The following CMYA5 variants were observed in gnomAD, a reference collection of about 807,000 sequenced individuals.
CMYA5 encodes cardiomyopathy-associated protein 5.
In CMYA5, 246 loss-of-function variants were observed where a neutral mutation model predicts 318.9. The observed-to-expected ratio is 0.77, with a 90% CI of 0.70 to 0.86. The LOEUF (loss-of-function observed/expected upper bound fraction) is 0.86. Among genes scored for constraint, CMYA5 ranks in the 40% least tolerant of loss-of-function variants. CMYA5 has a pLI of 0.00. For synonymous variants in CMYA5, 1,641 were observed against 1,729.5 expected, an observed-to-expected ratio of 0.95 and a Z score of 1.27; for missense variants, 4,589 against 4,678.2, an observed-to-expected ratio of 0.98 and a Z score of 0.56.
At chr5:79,715,584 G>A (rs1387454378) in intron 1 of CMYA5, among the ~76,000 whole-genome samples, 1 of 152,096 alleles carries the variant, frequency 6.6e-6, no homozygotes, top group East Asian at 1.9e-4. Context: ...ACCGTGCCCA[G>A]CCAACTATAG....
At chr5:79,691,583 G>A (rs1317177822) in intron 1 of CMYA5, among the ~76,000 whole-genome samples, 4 of 152,130 alleles carry the variant, frequency 2.6e-5, no homozygotes, top group African/African-American at 7.2e-5. Context: ...GGACACATGA[G>A]GGAATATGGA....
intron 1 of CMYA5, among the ~76,000 whole-genome samples, chr5:79,709,960 C>CAAAAAAAAAAAAAAAAAAAAAAAAAAAA (rs61657639): frequency 4.1e-5 from 1 of 24,324 alleles, no homozygotes; most frequent in Non-Finnish European, 7.1e-5. Flanking sequence ...GACTCCATCT[C>CAAAAAAAAAAAAAAAAAAAAAAAAAAAA]AAAAAAAAAA....
At position 79,739,381 on chromosome 5, in the gene CMYA5, A is replaced by T; in HGVS notation, c.10616A>T (p.Asp3539Val). 3 of 1,548,714 alleles carry T rather than the reference A, an allele frequency of 1.9e-6. No individual in the cohort carries two copies. The highest frequency in any genetic ancestry group is 2.6e-6 in the Non-Finnish European group (3 of 1,147,054). Residue 3539 changes from aspartate (D) to valine (V), a missense_variant, in exon 2 of 13, where the codon GAC becomes GTC. Around this residue, in one of 3 missense-constraint regions of CMYA5, gnomAD observed 2,431 missense variants for 2,495.1 expected, o/e 0.97. Coordinates refer to ENST00000446378, the MANE Select transcript of CMYA5 (RefSeq NM_153610.5). Reference protein sequence around the residue: ...THKDHEVSTLDTAISAVKVQL... With the variant: ...THKDHEVSTLVTAISAVKVQL... ...AAAGACCATGAAGTTTCAACGCTTG[A>T]CACAGCTATAAGTGCTGTAAAGGTA... is the stretch of plus-strand genomic sequence containing the variant.
intron 9 of CMYA5, among the ~76,000 whole-genome samples, chr5:79,787,947 C>T (rs567332663): frequency 2.0e-5 from 3 of 151,966 alleles, no homozygotes; most frequent in Non-Finnish European, 4.4e-5. Context: ...AAAAATTCAT[C>T]TGTGGATGAA....
At position 79,736,470 on chromosome 5, in the gene CMYA5, A is replaced by G; in HGVS notation, c.7705A>G (p.Ser2569Gly). 1 of 1,610,700 alleles carries G rather than the reference A, an allele frequency of 6.2e-7. No homozygotes were observed. The highest frequency in any genetic ancestry group is 8.5e-7 in the Non-Finnish European group (1 of 1,178,162). Residue 2569 changes from serine (S) to glycine (G), a missense_variant, in exon 2 of 13, where the codon AGT becomes GGT. Physicochemically the swap from Ser to Gly is moderately conservative, Grantham distance 56. Around this residue, in one of 3 missense-constraint regions of CMYA5, gnomAD observed 2,431 missense variants for 2,495.1 expected, o/e 0.97. Coordinates refer to ENST00000446378, the MANE Select transcript of CMYA5 (RefSeq NM_153610.5). ...PYSVNVAESMSRESDISLGHS... is the reference protein window; with the variant it reads ...PYSVNVAESMGRESDISLGHS... ...TTCTGTGAATGTAGCCGAGTCTATG[A>G]GTAGAGAATCAGATATCTCTTTAGG... is the stretch of plus-strand genomic sequence containing the variant.
At chr5:79,701,280 C>A (rs1161691908) in intron 1 of CMYA5, among the ~76,000 whole-genome samples, 1 of 151,880 alleles carries the variant, frequency 6.6e-6, no homozygotes, top group Non-Finnish European at 1.5e-5. Context: ...CAAATAATAC[C>A]TGGTGTTTGA....
At chr5:79,775,916 C>T (rs1344218841) in intron 9 of CMYA5, among the ~76,000 whole-genome samples, 1 of 152,006 alleles carries the variant, frequency 6.6e-6, no homozygotes, top group Non-Finnish European at 1.5e-5. Context: ...GGATTCTCTG[C>T]CTGGAATATA....
In CMYA5 at chr5:79,789,094, C is replaced by T. The variant is rs773254515; in HGVS notation, c.11679C>T (p.Ile3893=). 5 of 1,613,874 alleles carry T rather than the reference C, an allele frequency of 3.1e-6. No homozygotes were observed. The highest frequency in any genetic ancestry group is 4.2e-6 in the Non-Finnish European group (5 of 1,179,828). ...GTSEQSEAAL[I]STRGTRFLLL... is the part of the protein sequence containing the mutation. ...GTGAACAGAGTGAAGCTGCTCTCAT[C>T]TCCACCAGAGGTACTTTCTCCTTTG... Residue 3893 remains isoleucine (I), a synonymous_variant, in exon 10 of 13, where the codon ATC becomes ATT. Transcript: ENST00000446378.
chr5:79,758,835 G>A lies in CMYA5; in HGVS notation c.11193G>A (p.Lys3731=), dbSNP rs771577647. 1 of 1,604,906 alleles carries A rather than the reference G, an allele frequency of 6.2e-7. No individual in the cohort carries two copies. The highest frequency in any genetic ancestry group is 2.3e-5 in the East Asian group (1 of 44,350). ...TTGCAGTTTACTGGAGCATGAACAA[G>A]GAAGATGTCATTGATTCATTTCAGG... ...TTIAVYWSMN[K]EDVIDSFQVY... Residue 3731 remains lysine, a synonymous_variant, in exon 7 of 13, where the codon AAG becomes AAA. Coordinates refer to ENST00000446378, the MANE Select transcript of CMYA5 (RefSeq NM_153610.5).
At chr5:79,703,236 A>G (rs1210261173) in intron 1 of CMYA5, among the ~76,000 whole-genome samples, 1 of 152,262 alleles carries the variant, frequency 6.6e-6, no homozygotes. Context: ...AAGCAATAGA[A>G]TAAACTAGTT....
At chr5:79,742,369 T>G (rs886753271) in intron 2 of CMYA5, among the ~76,000 whole-genome samples, 3 of 151,996 alleles carry the variant, frequency 2.0e-5, no homozygotes, top group African/African-American at 7.3e-5. Context: ...AAATTTTTAG[T>G]GGAGACAAGA....
Position 79,795,258 on chromosome 5 carries a change from G to C in CMYA5, c.11963+1648G>C, listed in dbSNP as rs367791379. 3.4e-4 allele frequency among the ~76,000 whole-genome samples: 52 copies of C among 152,206 alleles called. No homozygotes were observed. In the East Asian group the frequency reaches 6.6e-3, roughly 19 times the overall value. ...AGGGCCCTCATGTCATCCTTCGAGG[G>C]CTTCACATGGGGCACCCTGGCCTCT... On this transcript the variant is annotated intron_variant, in intron 12 of 12. Transcript: ENST00000446378.
chr5:79,726,499 C>T (rs1477145452), intron 1 of CMYA5, among the ~76,000 whole-genome samples: 1 of 152,190 alleles, frequency 6.6e-6, no homozygotes, highest in Non-Finnish European at 1.5e-5. Flanking sequence ...TTAAGTTCAG[C>T]AGTTTAATAC....
At chr5:79,743,226 C>T (rs77846038) in intron 2 of CMYA5, among the ~76,000 whole-genome samples, 20,219 of 152,156 alleles carry the variant, frequency 0.13, 1,452 homozygotes, top group South Asian at 0.19. Flanking sequence ...TTTATAATTA[C>T]GGCTAAAGTG....
At chr5:79,712,909 C>T (rs968506691) in intron 1 of CMYA5, among the ~76,000 whole-genome samples, 1 of 152,200 alleles carries the variant, frequency 6.6e-6, no homozygotes, top group Admixed American at 6.5e-5. Context: ...TGCTCTGTCT[C>T]TTAGTAACCA....
chr5:79,733,020 G>A lies in CMYA5; in HGVS notation c.4255G>A (p.Val1419Met), dbSNP rs999907777. ...EHSVLAEEDK[V>M]AIKGASPIET... ...TTCAGTTCTTGCAGAAGAAGACAAG[G>A]TGGCAATTAAAGGTGCTTCTCCCAT... The change falls in exon 2 of 13, where the codon GTG (valine) becomes ATG (methionine). Residue 1419 changes from valine to methionine, a missense_variant. Physicochemically the swap from Val to Met is conservative, Grantham distance 21. Coordinates refer to ENST00000446378, the MANE Select transcript of CMYA5 (RefSeq NM_153610.5). 6 of 1,613,314 alleles carry A rather than the reference G, an allele frequency of 3.7e-6. No individual in the cohort carries two copies. The African/African-American group carries it at 5.3e-5, about 14-fold the overall frequency.
At chr5:79,791,829 A>G (rs1190215474) in intron 11 of CMYA5, among the ~76,000 whole-genome samples, 1 of 152,190 alleles carries the variant, frequency 6.6e-6, no homozygotes, top group East Asian at 1.9e-4. Flanking sequence ...ATCAAAGAAA[A>G]GAAGAGGCAA....
At chr5:79,711,113 A>T (rs931237566) in intron 1 of CMYA5, among the ~76,000 whole-genome samples, 1 of 152,144 alleles carries the variant, frequency 6.6e-6, no homozygotes, top group African/African-American at 2.4e-5. Context: ...TAAGGATTTT[A>T]CTTAATCTCT....
intron 1 of CMYA5, among the ~76,000 whole-genome samples, chr5:79,702,056 A>G (rs1827183767): frequency 6.6e-6 from 1 of 152,106 alleles, no homozygotes; most frequent in Non-Finnish European, 1.5e-5. Flanking sequence ...GTGAGCTGAG[A>G]TCTTGCGACT....
Sources: gnomAD v4.1 joint callset for allele counts (sites outside exome capture counted in the v4.1 genomes callset) on GRCh38, gnomAD v4.1.1 for gene constraint, gnomAD v4.1.1 regional missense constraint, MANE v1.5 for transcripts, NCBI Gene and HGNC (gene_info 2026-07-23, HGNC 2026-07-21) for gene names.